Variants in GRM8 observed in about 807,000 individuals in gnomAD.
The protein encoded by GRM8 is glutamate metabotropic receptor 8.
GRM8 carries 47 observed loss-of-function variants against 87.2 expected under a neutral mutation model. The ratio of observed to expected loss-of-function variants is 0.54; its 90% CI spans 0.43 to 0.69. The LOEUF (loss-of-function observed/expected upper bound fraction) is 0.69. Ranked by LOEUF, GRM8 falls within the 30% of genes least tolerant of loss-of-function variation. The probability of loss-of-function intolerance (pLI) is 0.00; values close to 1 mark genes in which losing one functional copy is unlikely to be tolerated. For synonymous variants in GRM8, 396 were observed against 404.5 expected (o/e 0.98, Z 0.25); for missense variants, 1,019 against 1,139.2 (o/e 0.89, Z 1.52).
At chr7:126,797,537 C>T (rs1395837155) in intron 6 of GRM8, among the ~76,000 whole-genome samples, 1 of 151,990 alleles carries the variant, frequency 6.6e-6, no homozygotes, top group Non-Finnish European at 1.5e-5. Flanking sequence ...TTCATTAGGA[C>T]TGCAGCCAGC....
intron 7 of GRM8, among the ~76,000 whole-genome samples, chr7:126,635,298 A>G (rs980053959): frequency 7.2e-5 from 11 of 152,200 alleles, no homozygotes; most frequent in African/African-American, 2.4e-4. Context: ...GTTTGAAAAG[A>G]GTTAATGCCT....
intron 2 of GRM8, among the ~76,000 whole-genome samples, chr7:127,114,797 C>A (rs968385590): frequency 6.6e-6 from 1 of 152,024 alleles, no homozygotes; most frequent in Non-Finnish European, 1.5e-5. Context: ...TTGAATAGAC[C>A]ATTGAATTGT....
At chr7:126,578,462 C>T (rs1795304543) in intron 8 of GRM8, among the ~76,000 whole-genome samples, 1 of 152,164 alleles carries the variant, frequency 6.6e-6, no homozygotes, top group South Asian at 2.1e-4. Flanking sequence ...AGTGTGTCTG[C>T]TAGCTCCATG....
At chr7:126,940,036 C>T (rs1045897891) in intron 3 of GRM8, among the ~76,000 whole-genome samples, 3 of 152,168 alleles carry the variant, frequency 2.0e-5, no homozygotes, top group Non-Finnish European at 4.4e-5. Flanking sequence ...TTTTACCAAA[C>T]ATCCAGGGTG....
At chr7:127,158,615 C>T (rs535458933) in intron 2 of GRM8, among the ~76,000 whole-genome samples, 1 of 152,322 alleles carries the variant, frequency 6.6e-6, no homozygotes, top group South Asian at 2.1e-4. Flanking sequence ...TAATGTGTCA[C>T]CACATGGTGG....
intron 2 of GRM8, among the ~76,000 whole-genome samples, chr7:127,200,776 C>T (rs1031360935): frequency 6.6e-6 from 1 of 152,200 alleles, no homozygotes; most frequent in African/African-American, 2.4e-5. Context: ...TAGGGCCCAT[C>T]TTAATGTGGT....
chr7:126,950,663 C>T (rs1261325894), intron 3 of GRM8, among the ~76,000 whole-genome samples: 1 of 152,110 alleles, frequency 6.6e-6, no homozygotes, highest in Admixed American at 6.5e-5. Flanking sequence ...GTTTTAGCTT[C>T]CATGTTCCAT....
In GRM8 at chr7:126,705,676, A is replaced by G. The variant is rs958238749; in HGVS notation, c.1357+64189T>C. ...ATGTATATTAAACTAACAGGTTATC[A>G]TGAATGTGTTATTTGAACTCATAGT... On this transcript the variant is annotated intron_variant, in intron 7 of 10. Coordinates refer to ENST00000339582, the MANE Select transcript of GRM8 (RefSeq NM_000845.3). Among the ~76,000 whole-genome samples, 3 of 149,638 alleles carry G rather than the reference A, an allele frequency of 2.0e-5. No individual in the cohort carries two copies. In the East Asian group the frequency reaches 5.8e-4, roughly 29 times the overall value.
At chr7:126,926,478 T>C (rs1220221071) in intron 3 of GRM8, among the ~76,000 whole-genome samples, 1 of 152,140 alleles carries the variant, frequency 6.6e-6, no homozygotes, top group African/African-American at 2.4e-5. Flanking sequence ...CCTCCTTACC[T>C]CTCACCTGGG....
intron 6 of GRM8, among the ~76,000 whole-genome samples, chr7:126,872,939 T>C (rs1012117925): frequency 2.6e-5 from 4 of 152,170 alleles, no homozygotes; most frequent in Admixed American, 6.5e-5. Flanking sequence ...TTTTTTCCTA[T>C]AAACACAATT....
Position 127,094,796 on chromosome 7 carries a change from C to T in GRM8, c.727+11700G>A, listed in dbSNP as rs191141787. ...ATAATAAATAACTGAAAACAGGGACCACACAGTTCATGTGAAGCTCCTGGC... is the reference window on the plus strand; with the variant it reads ...ATAATAAATAACTGAAAACAGGGACTACACAGTTCATGTGAAGCTCCTGGC... On this transcript the variant is annotated intron_variant, in intron 3 of 10. Transcript: ENST00000339582. Among the ~76,000 whole-genome samples the T allele has an allele frequency of 1.2e-3, 177 of 152,294 alleles. 1 individual carries two copies. The highest frequency in any genetic ancestry group is 4.2e-3 in the African/African-American group (176 of 41,560).
At chr7:126,683,217 A>C (rs1320607680) in intron 7 of GRM8, among the ~76,000 whole-genome samples, 2 of 152,114 alleles carry the variant, frequency 1.3e-5, no homozygotes, top group African/African-American at 4.8e-5. Context: ...CCTACTCCCC[A>C]CCCTAACATA....
chr7:126,911,311 A>G (rs1240043963), intron 3 of GRM8, among the ~76,000 whole-genome samples: 2 of 152,176 alleles, frequency 1.3e-5, no homozygotes, highest in Non-Finnish European at 2.9e-5. Context: ...AGAATGAGAA[A>G]AGTTATTTAC....
chr7:127,206,166 C>G (rs1366755169), intron 2 of GRM8, among the ~76,000 whole-genome samples: 1 of 152,220 alleles, frequency 6.6e-6, no homozygotes, highest in African/African-American at 2.4e-5. Flanking sequence ...CCTCTACCTA[C>G]AGAGAGGATG....
chr7:127,166,273 G>C (rs1419947054), intron 2 of GRM8, among the ~76,000 whole-genome samples: 1 of 151,992 alleles, frequency 6.6e-6, no homozygotes, highest in Admixed American at 6.6e-5. Flanking sequence ...TCTTCTCTCT[G>C]GTGATTTTTT....
chr7:127,146,336 G>A (rs1828553659), intron 2 of GRM8, among the ~76,000 whole-genome samples: 1 of 151,984 alleles, frequency 6.6e-6, no homozygotes, highest in Non-Finnish European at 1.5e-5. Flanking sequence ...GGAGATACTT[G>A]TGGCATTCTA....
intron 7 of GRM8, among the ~76,000 whole-genome samples, chr7:126,705,747 A>G (rs1232341036): frequency 2.0e-5 from 3 of 152,204 alleles, no homozygotes; most frequent in African/African-American, 7.2e-5. Context: ...GTTGGAAAAC[A>G]TTGGAGAGCC....
chr7:127,190,751 A>G (rs1309445173), intron 2 of GRM8, among the ~76,000 whole-genome samples: 1 of 152,190 alleles, frequency 6.6e-6, no homozygotes, highest in Non-Finnish European at 1.5e-5. Flanking sequence ...AAGTAACCAA[A>G]CTAAAAGACA....
intron 7 of GRM8, among the ~76,000 whole-genome samples, chr7:126,618,136 G>A (rs1799723196): frequency 6.6e-6 from 1 of 152,108 alleles, no homozygotes; most frequent in Non-Finnish European, 1.5e-5. Context: ...ATACTACAAG[G>A]CTACAGTAAC....
Sources: allele counts gnomAD v4.1 joint callset (sites outside exome capture counted in the v4.1 genomes callset), GRCh38; gene constraint gnomAD v4.1.1; transcripts MANE v1.5; gene names NCBI Gene and HGNC (gene_info 2026-07-23, HGNC 2026-07-21).